TMEM170B: variants seen among roughly 807,000 people sequenced by gnomAD.
TMEM170B encodes the protein transmembrane protein 170B.
TMEM170B carries 6 observed loss-of-function variants against 13.0 expected under a neutral mutation model. The observed-to-expected ratio is 0.46, with a 90% CI of 0.25 to 0.91. The LOEUF (loss-of-function observed/expected upper bound fraction) is 0.91, where lower values mean the gene tolerates loss of function less well. Ranked by LOEUF, TMEM170B falls within the 40% of genes least tolerant of loss-of-function variation. The pLI is 0.17. For synonymous variants in TMEM170B, 61 were observed against 64.9 expected, an observed-to-expected ratio of 0.94 and a Z score of 0.29; for missense variants, 138 against 165.2, an observed-to-expected ratio of 0.84 and a Z score of 0.90.
intron 1 of TMEM170B, among the ~76,000 whole-genome samples, chr6:11,560,750 G>C (rs1222444816): frequency 6.6e-6 from 1 of 151,810 alleles, no homozygotes; most frequent in Non-Finnish European, 1.5e-5. Context: ...CTTCCATTTG[G>C]TTATATGTTT....
chr6:11,548,546 C>A (rs1165635672), intron 1 of TMEM170B, among the ~76,000 whole-genome samples: 3 of 152,164 alleles, frequency 2.0e-5, no homozygotes, highest in East Asian at 3.8e-4. Context: ...ACTAGAAATA[C>A]CATTTGACCC....
rs368272768 is a variant in TMEM170B at position 11,545,264 on chromosome 6, T to TTCTC, written c.97+6904_97+6907dup. ...CAACCTGGAATGAAGGTTAAAAGGC[T>TTCTC]TCTCTCTCTCTCTCTCTGTGTGTGT... On this transcript the variant is annotated intron_variant, in intron 1 of 2. Transcript: ENST00000379426. Among the ~76,000 whole-genome samples the TTCTC allele has an allele frequency of 1.9e-3, 240 of 127,898 alleles. 1 individual carries two copies. The highest frequency in any genetic ancestry group is 5.2e-3 in the African/African-American group (192 of 37,022). 83.9% of individuals were successfully genotyped at this position (127,898 alleles called of 152,430 possible).
At position 11,538,211 on chromosome 6, in the gene TMEM170B, C is replaced by T; in HGVS notation, c.-67C>T. ...GGAGCCGCGCACCCGCCGCCGCCCCCCGAGCCTCGCAGCCGCCGCCGCCGC... is the reference window on the plus strand; with the variant it reads ...GGAGCCGCGCACCCGCCGCCGCCCCTCGAGCCTCGCAGCCGCCGCCGCCGC... On this transcript the variant is annotated 5_prime_UTR_variant, in exon 1 of 3. Transcript: ENST00000379426. 2.4e-6 allele frequency: 2 copies of T among 831,382 alleles called. No individual in the cohort carries two copies. Among genetic ancestry groups the T allele is most frequent in the Non-Finnish European group, 3.1e-6 (2 of 649,242 alleles). 51.5% of individuals were successfully genotyped at this position (831,382 alleles called of 1,614,324 possible).
chr6:11,545,649 A>G (rs1441819552), intron 1 of TMEM170B, among the ~76,000 whole-genome samples: 2 of 152,088 alleles, frequency 1.3e-5, no homozygotes, highest in Admixed American at 6.5e-5. Flanking sequence ...TGTACAGTAC[A>G]TAATACTTGA....
intron 1 of TMEM170B, among the ~76,000 whole-genome samples, chr6:11,552,168 G>T (rs972653947): frequency 3.9e-5 from 6 of 152,018 alleles, no homozygotes; most frequent in African/African-American, 1.4e-4. Context: ...GGGAACACCC[G>T]ATTTTTTTAA....
rs1382626639 is a variant in TMEM170B, at chr6:11,582,971, AT to A, written c.*7411del. On this transcript the variant is annotated 3_prime_UTR_variant, in exon 3 of 3. Coordinates refer to ENST00000379426, the MANE Select transcript of TMEM170B (RefSeq NM_001100829.3). ...ATACCTAACAAGCTGTAAATATTGT[AT>A]ATTATTGATTTTTAATTTTATATAA... 6.6e-6 allele frequency: 1 copy of A among 152,150 alleles called. No individual in the cohort carries two copies. The highest frequency in any genetic ancestry group is 2.4e-5 in the African/African-American group (1 of 41,432). 9.4% of individuals were successfully genotyped at this position (152,150 alleles called of 1,614,324 possible). A position where few individuals can be genotyped will look rare whatever the true frequency, so the allele number is the denominator to read the frequency against.
chr6:11,571,639 A>G (rs1441280348), intron 2 of TMEM170B, among the ~76,000 whole-genome samples: 1 of 152,158 alleles, frequency 6.6e-6, no homozygotes, highest in African/African-American at 2.4e-5. Flanking sequence ...ATGCCTGCAT[A>G]TATTAGCCTC....
intron 1 of TMEM170B, among the ~76,000 whole-genome samples, chr6:11,553,854 T>C (rs1335610954): frequency 1.3e-5 from 2 of 152,208 alleles, no homozygotes; most frequent in African/African-American, 4.8e-5. Context: ...ACCTCTGACC[T>C]CTTAGACTTA....
rs535544795 is a variant in TMEM170B, at chr6:11,538,268, C to T, written c.-10C>T. 15 of 1,354,560 alleles carry T rather than the reference C, an allele frequency of 1.1e-5. No individual in the cohort carries two copies. In the South Asian group the frequency reaches 1.9e-4, roughly 17 times the overall value. The allele number at this position is 1,354,560 out of a possible 1,614,324, so 83.9% of individuals were successfully genotyped here. A position where few individuals can be genotyped will look rare whatever the true frequency, so the allele number is the denominator to read the frequency against. ...CCCGAGGAGAGGGCGGCGGGCGCCCCTCGGGGAAGATGAAGGCGGAGGGGG... is the reference window on the plus strand; with the variant it reads ...CCCGAGGAGAGGGCGGCGGGCGCCCTTCGGGGAAGATGAAGGCGGAGGGGG... On this transcript the variant is annotated 5_prime_UTR_variant, in exon 1 of 3. Coordinates refer to ENST00000379426, the MANE Select transcript of TMEM170B (RefSeq NM_001100829.3).
chr6:11,543,997 A>C (rs1027933645), intron 1 of TMEM170B, among the ~76,000 whole-genome samples: 5 of 152,216 alleles, frequency 3.3e-5, no homozygotes, highest in African/African-American at 1.2e-4. Context: ...AACATTTTAC[A>C]GCCAGAACGA....
chr6:11,575,627 T>C lies in TMEM170B; in HGVS notation c.*66T>C. The C allele has an allele frequency of 6.4e-7, 1 of 1,574,404 alleles. No homozygotes were observed. The highest frequency in any genetic ancestry group is 8.7e-7 in the Non-Finnish European group (1 of 1,148,890). On this transcript the variant is annotated 3_prime_UTR_variant, in exon 3 of 3. Coordinates refer to ENST00000379426, the MANE Select transcript of TMEM170B (RefSeq NM_001100829.3). The surrounding 1 kb of genome is among the most constrained non-coding windows in gnomAD (Gnocchi z 4.1). ...TGTACAGATTCCCTGAAAACGGCATTGTTAACAAGTGGAAATGAAATTGTG... is the reference window on the plus strand; with the variant it reads ...TGTACAGATTCCCTGAAAACGGCATCGTTAACAAGTGGAAATGAAATTGTG...
Position 11,546,739 on chromosome 6 carries a change from C to T in TMEM170B, c.97+8365C>T, listed in dbSNP as rs184852300. 1.5e-3 allele frequency among the ~76,000 whole-genome samples: 227 copies of T among 152,228 alleles called. 3 individuals carry two copies. Among genetic ancestry groups the T allele is most frequent in the Admixed American group, 2.9e-3 (44 of 15,298 alleles). ...GTTGCCTAGGAGCAATAGGCTATACCATATAGCCTAAATGGAATATATGTT... is the reference window on the plus strand; with the variant it reads ...GTTGCCTAGGAGCAATAGGCTATACTATATAGCCTAAATGGAATATATGTT... On this transcript the variant is annotated intron_variant, in intron 1 of 2. Coordinates refer to ENST00000379426, the MANE Select transcript of TMEM170B (RefSeq NM_001100829.3).
intron 1 of TMEM170B, among the ~76,000 whole-genome samples, chr6:11,543,807 T>TC (rs1399807579): frequency 6.6e-6 from 1 of 152,162 alleles, no homozygotes; most frequent in Non-Finnish European, 1.5e-5. Flanking sequence ...AGTGTTTTTT[T>TC]CCCATGTACA....
intron 2 of TMEM170B, among the ~76,000 whole-genome samples, chr6:11,573,653 G>T (rs1317808035): frequency 6.6e-6 from 1 of 152,130 alleles, no homozygotes; most frequent in Non-Finnish European, 1.5e-5. Flanking sequence ...TGACACAGTT[G>T]TTTGCCATTT....
At position 11,577,388 on chromosome 6, in the gene TMEM170B, C is replaced by T. The variant is rs1759893972; in HGVS notation, c.*1827C>T. On this transcript the variant is annotated 3_prime_UTR_variant, in exon 3 of 3. Transcript: ENST00000379426. ...GTTCTTTATATTCCTGATGTTTTTA[C>T]AAATTAAATTTAGGCATAACTTTTC... is the stretch of plus-strand genomic sequence containing the variant. 6.6e-6 allele frequency: 1 copy of T among 152,018 alleles called. No homozygotes were observed. Among genetic ancestry groups the T allele is most frequent in the Non-Finnish European group, 1.5e-5 (1 of 67,944 alleles). 9.4% of individuals were successfully genotyped at this position (152,018 alleles called of 1,614,324 possible).
rs1004832315 is a variant in TMEM170B at position 11,579,229 on chromosome 6, G to A, written c.*3668G>A. ...GGCTGTGACATAGTGAAGAGAATACGAGACTCCAAGCCAGCAACACAGATT... is the reference window on the plus strand; with the variant it reads ...GGCTGTGACATAGTGAAGAGAATACAAGACTCCAAGCCAGCAACACAGATT... On this transcript the variant is annotated 3_prime_UTR_variant, in exon 3 of 3. Transcript: ENST00000379426. 6.6e-6 allele frequency: 1 copy of A among 152,238 alleles called. No individual in the cohort carries two copies. Among genetic ancestry groups the A allele is most frequent in the Middle Eastern group, 3.4e-3 (1 of 294 alleles). The allele number at this position is 152,238 out of a possible 1,614,324, so 9.4% of individuals were successfully genotyped here.
intron 1 of TMEM170B, among the ~76,000 whole-genome samples, 165 bp downstream of exon 1, chr6:11,538,539 G>T (rs1759313694): frequency 6.6e-6 from 1 of 152,122 alleles, no homozygotes; most frequent in Non-Finnish European, 1.5e-5. Context: ...CTCTGCGCGT[G>T]TCCCGGGGGC....
intron 2 of TMEM170B, among the ~76,000 whole-genome samples, chr6:11,572,646 A>G (rs970035901): frequency 6.6e-6 from 1 of 152,126 alleles, no homozygotes; most frequent in Non-Finnish European, 1.5e-5. Context: ...ATTATGTAAA[A>G]CTCAAAACAT....
In TMEM170B at chr6:11,557,996, A is replaced by G. The variant is rs186450637; in HGVS notation, c.98-7670A>G. Among the ~76,000 whole-genome samples, 265 of 152,146 alleles carry G rather than the reference A, an allele frequency of 1.7e-3. 1 individual carries two copies. Among genetic ancestry groups the G allele is most frequent in the African/African-American group, 6.0e-3 (249 of 41,510 alleles). ...ACAATCATAGCTCACTGCAGCCTCA[A>G]ACTGCTGGGCTCAAGCGATCCTCCT... On this transcript the variant is annotated intron_variant, in intron 1 of 2. Transcript: ENST00000379426.
Sources: allele counts gnomAD v4.1 joint callset (sites outside exome capture counted in the v4.1 genomes callset), GRCh38; gene constraint gnomAD v4.1.1; non-coding constraint Gnocchi (gnomAD v3.1); transcripts MANE v1.5; gene names NCBI Gene and HGNC (gene_info 2026-07-23, HGNC 2026-07-21).